DMXL1: variants seen among roughly 807,000 people sequenced by gnomAD.
The protein encoded by DMXL1 is dmX-like protein 1.
DMXL1 carries 99 observed loss-of-function variants against 319.2 expected under a neutral mutation model. The observed-to-expected ratio is 0.31, with a 90% confidence interval of 0.26 to 0.37. The LOEUF (loss-of-function observed/expected upper bound fraction) is 0.37, where lower values mean the gene tolerates loss of function less well. Ranked by LOEUF, DMXL1 falls within the 10% of genes least tolerant of loss-of-function variation. The pLI is 1.00. For missense variants in DMXL1, 3,745 were observed against 3,595.6 expected (o/e 1.04, Z -1.06); for synonymous variants, 1,385 against 1,235.2 (o/e 1.12, Z -2.54).
At chr5:119,124,515 G>A (rs1289183609) in intron 9 of DMXL1, among the ~76,000 whole-genome samples, 1 of 149,166 alleles carries the variant, frequency 6.7e-6, no homozygotes, top group Non-Finnish European at 1.5e-5. Context: ...AGTTGTTGTT[G>A]ATATTAAGAT....
At chr5:119,117,224 AG>A (rs1761041059) in intron 7 of DMXL1, among the ~76,000 whole-genome samples, 1 of 151,994 alleles carries the variant, frequency 6.6e-6, no homozygotes, top group African/African-American at 2.4e-5. Flanking sequence ...GATTTTTTGT[AG>A]AGATGGGGTT....
At chr5:119,147,020 T>A in intron 16 of DMXL1, 64 bp downstream of exon 16, 1 of 1,563,454 alleles carries the variant, frequency 6.4e-7, no homozygotes, top group African/African-American at 1.4e-5. Flanking sequence ...TTACACAAAA[T>A]TAGATAATTT....
chr5:119,133,076 A>G, intron 10 of DMXL1, 56 bp from the exon 11 acceptor site: 2 of 1,579,992 alleles, frequency 1.3e-6, no homozygotes, highest in South Asian at 1.2e-5. Context: ...GTAATTCTTA[A>G]TTTATAGTAA....
rs1352407310 is a variant in DMXL1, at chr5:119,219,053, G to A, written c.8014-1419G>A. The stretch of plus-strand genomic sequence containing the variant: ...TAGTGGATGCTGTTAGAAGACATAC[G>A]ACTCTTGGATCAGAGACAAAGGACA... On this transcript the variant is annotated intron_variant, in intron 35 of 43. Transcript: ENST00000539542. 9.2e-5 allele frequency among the ~76,000 whole-genome samples: 14 copies of A among 152,200 alleles called. 1 individual carries two copies. The South Asian group carries it at 2.3e-3, about 25-fold the overall frequency.
rs1450885256 is a variant in DMXL1, at chr5:119,105,212, A to T, written c.318A>T (p.Gln106His). 8.1e-6 allele frequency: 13 copies of T among 1,613,056 alleles called. No homozygotes were observed. The South Asian group carries it at 1.3e-4, about 16-fold the overall frequency. Residue 106 changes from glutamine to histidine, a missense_variant, in exon 4 of 44, where the codon CAA (glutamine) becomes CAT (histidine). This residue lies in a region of DMXL1 where 2,096 missense variants were observed against 1,985.4 expected (regional missense o/e 1.06). Transcript: ENST00000539542. Reference sequence around the variant, plus strand: ...ATAGTCAGTGGCAGAAAAGTGGCCAATTTTTTCTGGAATCAATAGCACACA... The same window carrying T: ...ATAGTCAGTGGCAGAAAAGTGGCCATTTTTTTCTGGAATCAATAGCACACA... ...ELYSQWQKSG[Q>H]FFLESIAHNI...
chr5:119,165,084 A>G, intron 20 of DMXL1, 99 bp from the exon 21 acceptor site: 1 of 697,334 alleles, frequency 1.4e-6, no homozygotes. Flanking sequence ...TTAAAATTTT[A>G]TTAAACATTC....
chr5:119,188,837 G>C (rs575742937), intron 28 of DMXL1, among the ~76,000 whole-genome samples: 1 of 152,296 alleles, frequency 6.6e-6, no homozygotes, highest in South Asian at 2.1e-4. Context: ...AAGCTGAGAC[G>C]CTTCAAACAA....
intron 1 of DMXL1, among the ~76,000 whole-genome samples, chr5:119,093,924 G>C (rs1755361527): frequency 6.6e-6 from 1 of 152,308 alleles, no homozygotes; most frequent in African/African-American, 2.4e-5. Context: ...TTCCGTGAAG[G>C]CTGGGAGAGG....
intron 1 of DMXL1, among the ~76,000 whole-genome samples, chr5:119,075,611 G>A (rs1034102599): frequency 3.9e-5 from 6 of 151,980 alleles, no homozygotes; most frequent in African/African-American, 4.8e-5. Context: ...GGAGACTTTA[G>A]GTATGCTAAG....
Position 119,233,475 on chromosome 5 carries a change from A to T in DMXL1, c.8466+8A>T, listed in dbSNP as rs371903131. On this transcript the variant is annotated splice_region_variant and intron_variant, in intron 39 of 43. Transcript: ENST00000539542. ...AACTATCAGGGAAATAAGGTATTAT[A>T]TAAAAATGTAAATGGTAAAAAATTT... 77 of 1,606,102 alleles carry T rather than the reference A, an allele frequency of 4.8e-5. No homozygotes were observed. The highest frequency in any genetic ancestry group is 6.5e-5 in the Non-Finnish European group (76 of 1,174,854).
At position 119,149,071 on chromosome 5, in the gene DMXL1, G is replaced by T; in HGVS notation, c.3244G>T (p.Glu1082Ter). 2 of 1,613,856 alleles carry T rather than the reference G, an allele frequency of 1.2e-6. No individual in the cohort carries two copies. Among genetic ancestry groups the T allele is most frequent in the South Asian group, 1.1e-5 (1 of 91,056 alleles). ...CTTTGTGATGCATGTAAGTATTTTT[G>T]AATGTGAGTCAACAGGAGGTTCATG... is the stretch of plus-strand genomic sequence containing the variant. ...QDFVMHVSIFECESTGGSCWV... is the reference protein window; with the variant it reads ...QDFVMHVSIF Residue 1082 changes from glutamate (E) to a stop codon, truncating the protein, a stop_gained, in exon 18 of 44, where the codon GAA becomes TAA. Coordinates refer to ENST00000539542, the MANE Select transcript of DMXL1 (RefSeq NM_001290321.3). LOFTEE classifies it high-confidence loss of function.
intron 19 of DMXL1, among the ~76,000 whole-genome samples, chr5:119,153,181 T>G (rs1770225870): frequency 6.6e-6 from 1 of 152,180 alleles, no homozygotes; most frequent in South Asian, 2.1e-4. Context: ...TTCACCATAT[T>G]GGCCAGGCTA....
chr5:119,128,707 G>A (rs369153055), intron 9 of DMXL1, among the ~76,000 whole-genome samples: 1 of 152,062 alleles, frequency 6.6e-6, no homozygotes, highest in South Asian at 2.1e-4. Context: ...GTAGGATGGG[G>A]AATATGGCTG....
chr5:119,229,879 T>C (rs933683779), intron 38 of DMXL1, among the ~76,000 whole-genome samples: 2 of 152,198 alleles, frequency 1.3e-5, no homozygotes, highest in Non-Finnish European at 2.9e-5. Context: ...AGTTTTTCAG[T>C]GTGTCACAGG....
Position 119,192,347 on chromosome 5 carries a change from C to T in DMXL1, c.7315-1481C>T, listed in dbSNP as rs374942795. Among the ~76,000 whole-genome samples, 6 of 152,188 alleles carry T rather than the reference C, an allele frequency of 3.9e-5. No homozygotes were observed. In the East Asian group the frequency reaches 9.7e-4, roughly 25 times the overall value. ...CTCCCCTGTGTTTTCAGTTCTCTTC[C>T]TCTCTGTTGAATCCTTCACATCAGG... On this transcript the variant is annotated intron_variant, in intron 29 of 43. Transcript: ENST00000539542.
intron 1 of DMXL1, chr5:119,081,432 C>G (rs1161848245): frequency 3.1e-6 from 1 of 319,114 alleles, no homozygotes; most frequent in Non-Finnish European, 4.5e-6. Context: ...AAAATCTTTA[C>G]CTGAGTCAGA....
At chr5:119,196,600 C>G in intron 31 of DMXL1, 144 bp downstream of exon 31, 1 of 630,902 alleles carries the variant, frequency 1.6e-6, no homozygotes, top group Non-Finnish European at 2.8e-6. Context: ...TTAACTAAAC[C>G]AACCATCTGT....
chr5:119,226,330 C>T (rs974686793), intron 38 of DMXL1, among the ~76,000 whole-genome samples: 2 of 152,038 alleles, frequency 1.3e-5, no homozygotes, highest in East Asian at 1.9e-4. Context: ...AAACACTTTT[C>T]GTGTTGTGAA....
At chr5:119,173,174 A>G (rs1774933704) in intron 25 of DMXL1, among the ~76,000 whole-genome samples, 1 of 152,016 alleles carries the variant, frequency 6.6e-6, no homozygotes, top group Non-Finnish European at 1.5e-5. Flanking sequence ...CCTTGTCTCT[A>G]CTAAAAATAC....
Sources: allele counts gnomAD v4.1 joint callset (sites outside exome capture counted in the v4.1 genomes callset), GRCh38; gene constraint gnomAD v4.1.1; regional missense constraint gnomAD v4.1.1; transcripts MANE v1.5; gene names NCBI Gene and HGNC (gene_info 2026-07-23, HGNC 2026-07-21).